Variants in EEFSEC observed in about 807,000 individuals in gnomAD.
The protein encoded by EEFSEC is selenocysteine-specific elongation factor.
EEFSEC carries 43 observed loss-of-function variants against 42.1 expected under a neutral mutation model. That is an observed-to-expected ratio of 1.02 (90% CI 0.80 to 1.32). EEFSEC has a LOEUF of 1.32. Ranked by LOEUF, EEFSEC falls within the 40% of genes most tolerant of loss-of-function variation. The pLI, the probability that EEFSEC is intolerant of heterozygous loss-of-function variation, is 0.00. For synonymous variants in EEFSEC, 354 were observed against 339.1 expected (o/e 1.04, Z -0.48); for missense variants, 745 against 803.6 (o/e 0.93, Z 0.88).
chr3:128,416,582 G>A, the EEFSEC span, among the ~76,000 whole-genome samples: 3 of 152,324 alleles, frequency 2.0e-5, no homozygotes, highest in South Asian at 2.1e-4. Flanking sequence ...GGAAGTTGGG[G>A]CTGTGACAGA....
At chr3:128,380,559 G>C (rs1408630655) in intron 6 of EEFSEC, among the ~76,000 whole-genome samples, 1 of 152,190 alleles carries the variant, frequency 6.6e-6, no homozygotes, top group Non-Finnish European at 1.5e-5. Context: ...TTCCTGCATA[G>C]GGTGGCCTCC....
chr3:128,310,090 C>G (rs949542500), intron 4 of EEFSEC, among the ~76,000 whole-genome samples: 1 of 152,232 alleles, frequency 6.6e-6, no homozygotes, highest in Non-Finnish European at 1.5e-5. Context: ...GGTATCTGTG[C>G]TTTTCAGGGA....
intron 1 of EEFSEC, among the ~76,000 whole-genome samples, chr3:128,227,162 C>T (rs2065916427): frequency 6.6e-6 from 1 of 152,220 alleles, no homozygotes; most frequent in Admixed American, 6.5e-5. Context: ...CTGTCTCCAT[C>T]CAGAAAAATG....
chr3:128,347,262 G>GAAA (rs910870590), intron 5 of EEFSEC, among the ~76,000 whole-genome samples: 1 of 138,220 alleles, frequency 7.2e-6, no homozygotes, highest in Admixed American at 7.2e-5. Flanking sequence ...GGTTAATGAA[G>GAAA]AAAAAAAAAA....
At chr3:128,409,625 G>A (rs1343323371), downstream of EEFSEC, among the ~76,000 whole-genome samples, 2 of 152,256 alleles carry the variant, frequency 1.3e-5, no homozygotes, top group Non-Finnish European at 2.9e-5. Flanking sequence ...GAACGTGAGA[G>A]AGAGTGTGGC....
At chr3:128,340,804 G>A (rs2067241744) in intron 4 of EEFSEC, among the ~76,000 whole-genome samples, 1 of 152,228 alleles carries the variant, frequency 6.6e-6, no homozygotes, top group South Asian at 2.1e-4. Flanking sequence ...TTGGCCAGCT[G>A]AGCAGCTGGG....
At chr3:128,406,894 CTA>C (rs1223422056) in intron 6 of EEFSEC, among the ~76,000 whole-genome samples, 1 of 151,552 alleles carries the variant, frequency 6.6e-6, no homozygotes, top group African/African-American at 2.4e-5. Context: ...ATATATTACA[CTA>C]TAAATATACA....
intron 1 of EEFSEC, among the ~76,000 whole-genome samples, chr3:128,188,012 G>C (rs2065481962): frequency 1.3e-5 from 2 of 152,194 alleles, no homozygotes; most frequent in Admixed American, 6.5e-5. Flanking sequence ...GAAGGGCTTT[G>C]TATCTTGGAC....
intron 5 of EEFSEC, among the ~76,000 whole-genome samples, chr3:128,352,098 G>A (rs1472714050): frequency 6.6e-6 from 1 of 152,172 alleles, no homozygotes; most frequent in Non-Finnish European, 1.5e-5. Flanking sequence ...ATTTGGTGAA[G>A]AACCCAACCA....
chr3:128,237,361 T>G (rs1043802394), intron 1 of EEFSEC, among the ~76,000 whole-genome samples: 9 of 152,248 alleles, frequency 5.9e-5, no homozygotes, highest in Admixed American at 3.3e-4. Flanking sequence ...TTCTCACCCT[T>G]TCTTTCAGTA....
chr3:128,328,748 G>A (rs920393783), intron 4 of EEFSEC, among the ~76,000 whole-genome samples: 7 of 152,194 alleles, frequency 4.6e-5, no homozygotes, highest in Non-Finnish European at 8.8e-5. Flanking sequence ...TGTATCCAGT[G>A]TCCACTGAGG....
chr3:128,276,122 C>T (rs764392053), intron 4 of EEFSEC, among the ~76,000 whole-genome samples: 7 of 152,212 alleles, frequency 4.6e-5, no homozygotes, highest in Non-Finnish European at 8.8e-5. Flanking sequence ...GGGCTCAGTC[C>T]CAGGATCAGC....
intron 1 of EEFSEC, among the ~76,000 whole-genome samples, chr3:128,184,761 A>G (rs2065447969): frequency 6.6e-6 from 1 of 152,202 alleles, no homozygotes; most frequent in South Asian, 2.1e-4. Flanking sequence ...AACTAGCTGT[A>G]TTACACTGTT....
chr3:128,255,859 G>A (rs924395897), intron 2 of EEFSEC, among the ~76,000 whole-genome samples: 42 of 152,108 alleles, frequency 2.8e-4, no homozygotes, highest in African/African-American at 9.9e-4. Context: ...CGGGGCCGGG[G>A]CTGGGGTATC....
At chr3:128,284,291 T>C (rs1018578935) in intron 4 of EEFSEC, among the ~76,000 whole-genome samples, 11 of 152,258 alleles carry the variant, frequency 7.2e-5, no homozygotes, top group African/African-American at 2.7e-4. Flanking sequence ...CTTCCTAGAA[T>C]ACTGCATATA....
intron 4 of EEFSEC, among the ~76,000 whole-genome samples, chr3:128,316,117 G>A (rs930260229): frequency 2.0e-5 from 3 of 152,200 alleles, no homozygotes; most frequent in Non-Finnish European, 4.4e-5. Flanking sequence ...AGGTATTGCT[G>A]CTTGTTTGTG....
intron 4 of EEFSEC, among the ~76,000 whole-genome samples, chr3:128,312,834 T>C (rs1419414043): frequency 1.3e-5 from 2 of 152,224 alleles, no homozygotes; most frequent in Non-Finnish European, 2.9e-5. Context: ...TATCTTTTAG[T>C]AAAAGAATAC....
At chr3:128,296,687 C>T (rs2066710029) in intron 4 of EEFSEC, among the ~76,000 whole-genome samples, 1 of 152,206 alleles carries the variant, frequency 6.6e-6, no homozygotes, top group Non-Finnish European at 1.5e-5. Context: ...TATGCCCCTC[C>T]GTCTGTCTCT....
intron 6 of EEFSEC, among the ~76,000 whole-genome samples, chr3:128,366,404 G>A (rs1195573398): frequency 1.3e-5 from 2 of 152,224 alleles, no homozygotes; most frequent in Non-Finnish European, 1.5e-5. Context: ...CAGGCAGCAC[G>A]CCCTTGTGTA....
Sources: gnomAD v4.1 joint callset for allele counts (sites outside exome capture counted in the v4.1 genomes callset) on GRCh38, gnomAD v4.1.1 for gene constraint, MANE v1.5 for transcripts, NCBI Gene and HGNC (gene_info 2026-07-23, HGNC 2026-07-21) for gene names.